The following SUB1 variants were observed in gnomAD, a reference collection of about 807,000 sequenced individuals.
SUB1 encodes the protein activated RNA polymerase II transcriptional coactivator p15.
Under a neutral mutation model 16.9 loss-of-function variants are expected in SUB1, and 1 was observed. The observed-to-expected ratio is 0.06, with a 90% CI of 0.02 to 0.28. The LOEUF is 0.28. SUB1 is among the 10% of genes least tolerant of loss of function. The probability of loss-of-function intolerance (pLI) is 1.00; values close to 1 mark genes in which losing one functional copy is unlikely to be tolerated. For synonymous variants in SUB1, 51 were observed against 46.9 expected, an observed-to-expected ratio of 1.09 and a Z score of -0.36; for missense variants, 84 against 145.2, an observed-to-expected ratio of 0.58 and a Z score of 2.16.
intron 2 of SUB1, among the ~76,000 whole-genome samples, chr5:32,590,790 T>G (rs1165418374): frequency 9.2e-6 from 1 of 109,122 alleles, no homozygotes; most frequent in Admixed American, 8.7e-5. Context: ...TTTTTTGAGA[T>G]GGAGTATCGC....
At chr5:32,595,443 T>C (rs1293714249) in intron 3 of SUB1, 2 of 152,250 alleles carry the variant, frequency 1.3e-5, no homozygotes, top group Non-Finnish European at 2.9e-5. Flanking sequence ...GTCTATTTTT[T>C]GTGTCTGGCT....
intron 1 of SUB1, 63 bp from the exon 2 acceptor site, chr5:32,588,449 A>G: frequency 7.1e-7 from 1 of 1,409,394 alleles, no homozygotes; most frequent in Non-Finnish European, 9.8e-7. Context: ...TGATTGGGGG[A>G]GAGCTAAGTT....
chr5:32,586,838 C>T (rs780420195), intron 1 of SUB1, among the ~76,000 whole-genome samples: 2 of 152,078 alleles, frequency 1.3e-5, no homozygotes, highest in Non-Finnish European at 1.5e-5. Flanking sequence ...CTGAATTTAC[C>T]CTTGAAGACA....
intron 4 of SUB1, 132 bp downstream of exon 4, chr5:32,599,201 G>A: frequency 3.0e-6 from 2 of 661,666 alleles, no homozygotes; most frequent in Non-Finnish European, 5.2e-6. Flanking sequence ...TCTATCTTCT[G>A]TAGTTATTTT....
At position 32,602,861 on chromosome 5, in the gene SUB1, C is replaced by T. The variant is rs962334949; in HGVS notation, c.*1777C>T. 3 of 152,064 alleles carry T rather than the reference C, an allele frequency of 2.0e-5. No homozygotes were observed. Among genetic ancestry groups the T allele is most frequent in the African/African-American group, 4.8e-5 (2 of 41,412 alleles). 9.4% of individuals were successfully genotyped at this position (152,064 alleles called of 1,614,324 possible). A position where few individuals can be genotyped will look rare whatever the true frequency, so the allele number is the denominator to read the frequency against. On this transcript the variant is annotated 3_prime_UTR_variant, in exon 5 of 5. Transcript: ENST00000265073. ...ATCATGCTTGATTGGTAACTTCCCT[C>T]CTTTTTTGGGGAACATGTTTGTGTC...
At chr5:32,594,656 C>T in intron 3 of SUB1, 1 of 449,336 alleles carries the variant, frequency 2.2e-6, no homozygotes. Flanking sequence ...CGAGCTCTGC[C>T]TCCTGTCAGA....
At chr5:32,599,117 C>A in intron 4 of SUB1, 48 bp downstream of exon 4, 1 of 1,418,390 alleles carries the variant, frequency 7.1e-7, no homozygotes, top group Non-Finnish European at 9.9e-7. Context: ...GACTAAACGA[C>A]AACTTTTCTG....
chr5:32,592,480 C>T (rs1430218568), intron 3 of SUB1, among the ~76,000 whole-genome samples: 1 of 152,154 alleles, frequency 6.6e-6, no homozygotes, highest in Non-Finnish European at 1.5e-5. Flanking sequence ...GGAGACTTGA[C>T]ACTGGCATCT....
At chr5:32,586,577 G>C (rs1370980764) in intron 1 of SUB1, 1 of 152,022 alleles carries the variant, frequency 6.6e-6, no homozygotes, top group Non-Finnish European at 1.5e-5. Context: ...GACTTCTTTG[G>C]GTTGAGTACC....
chr5:32,588,717 A>T (rs1443500291), intron 2 of SUB1, 133 bp downstream of exon 2: 1 of 821,972 alleles, frequency 1.2e-6, no homozygotes, highest in African/African-American at 1.7e-5. Context: ...CATGCCTGTT[A>T]TCCTACTTCT....
intron 3 of SUB1, chr5:32,598,622 TAGTA>T (rs1161357777): frequency 2.9e-5 from 5 of 174,432 alleles, no homozygotes; most frequent in African/African-American, 7.1e-5. Context: ...TGTTTTATGA[TAGTA>T]AGTGATAAAA....
In SUB1 at chr5:32,600,660, G is replaced by A. The variant is rs371896632; in HGVS notation, c.305-345G>A. Among the ~76,000 whole-genome samples, 10 of 151,186 alleles carry A rather than the reference G, an allele frequency of 6.6e-5. No individual in the cohort carries two copies. The South Asian group carries it at 1.9e-3, about 28-fold the overall frequency. ...GCTCTCTTGCCCAGGCTGGAGTGCA[G>A]TGGCATGATCTTGGCTCACTGTAAC... is the stretch of plus-strand genomic sequence containing the variant. On this transcript the variant is annotated intron_variant, in intron 4 of 4. Transcript: ENST00000265073.
At chr5:32,586,503 T>C (rs1269642280) in intron 1 of SUB1, 1 of 152,160 alleles carries the variant, frequency 6.6e-6, no homozygotes, top group African/African-American at 2.4e-5. Context: ...CTCATTAAGG[T>C]AAATATATAT....
At chr5:32,591,254 A>AT (rs1251125746) in intron 2 of SUB1, 261 of 192,270 alleles carry the variant, frequency 1.4e-3, no homozygotes, top group Middle Eastern at 5.5e-3. Context: ...AGATCCCTCC[A>AT]TTTTTTTTTC....
At chr5:32,599,740 T>G (rs916085967) in intron 4 of SUB1, among the ~76,000 whole-genome samples, 1 of 152,192 alleles carries the variant, frequency 6.6e-6, no homozygotes, top group Admixed American at 6.5e-5. Flanking sequence ...TATATGTGTT[T>G]ATATGCTTTC....
intron 4 of SUB1, among the ~76,000 whole-genome samples, chr5:32,600,223 T>C (rs2111687412): frequency 6.6e-6 from 1 of 152,364 alleles, no homozygotes; most frequent in East Asian, 1.9e-4. Context: ...TACCCGGGTA[T>C]ACTCTCTGAG....
At chr5:32,599,161 G>T in intron 4 of SUB1, 92 bp downstream of exon 4, 1 of 849,570 alleles carries the variant, frequency 1.2e-6, no homozygotes, top group Non-Finnish European at 1.9e-6. Flanking sequence ...AGGACACACG[G>T]GGCAAGGAAG....
At position 32,601,914 on chromosome 5, in the gene SUB1, A is replaced by G. The variant is rs1739123948; in HGVS notation, c.*830A>G. On this transcript the variant is annotated 3_prime_UTR_variant, in exon 5 of 5. Coordinates refer to ENST00000265073, the MANE Select transcript of SUB1 (RefSeq NM_006713.4). ...TGGGATGATGTCTGTAACATCAGAT[A>G]TTGTTCAACTAGACTAGGATTTAAT... The G allele has an allele frequency of 5.8e-6, 1 of 171,690 alleles. No homozygotes were observed. The highest frequency in any genetic ancestry group is 1.3e-5 in the Non-Finnish European group (1 of 79,134). The allele number at this position is 171,690 out of a possible 1,614,324, so 10.6% of individuals were successfully genotyped here.
intron 1 of SUB1, among the ~76,000 whole-genome samples, chr5:32,586,946 A>T (rs1003238581): frequency 6.6e-6 from 1 of 152,160 alleles, no homozygotes; most frequent in African/African-American, 2.4e-5. Flanking sequence ...AACATATGCA[A>T]TGTCAGTGCT....
Sources: gnomAD v4.1 joint callset for allele counts (sites outside exome capture counted in the v4.1 genomes callset) on GRCh38, gnomAD v4.1.1 for gene constraint, MANE v1.5 for transcripts, NCBI Gene and HGNC (gene_info 2026-07-23, HGNC 2026-07-21) for gene names.